Variants in THAP4 observed in about 807,000 individuals in gnomAD.
THAP4 encodes the protein peroxynitrite isomerase THAP4.
THAP4 carries 18 observed loss-of-function variants against 48.1 expected under a neutral mutation model. The ratio of observed to expected loss-of-function variants is 0.37; its 90% confidence interval spans 0.26 to 0.56. The LOEUF (loss-of-function observed/expected upper bound fraction) is 0.56, where lower values mean the gene tolerates loss of function less well. Among genes scored for constraint, THAP4 ranks in the 20% least tolerant of loss-of-function variants. The pLI is 0.78. For missense variants in THAP4, 656 were observed against 774.9 expected (o/e 0.85, Z 1.82); for synonymous variants, 345 against 324.9 (o/e 1.06, Z -0.66).
chr2:241,596,755 G>A lies in THAP4; in HGVS notation c.1614+5141C>T, dbSNP rs1337645693. Reference sequence around the variant, plus strand: ...CAGGAGACAGAGCTTGCAGTGAGCCGAGACTGCACCACTGCACTCCAGCCT... The same window carrying A: ...CAGGAGACAGAGCTTGCAGTGAGCCAAGACTGCACCACTGCACTCCAGCCT... On this transcript the variant is annotated intron_variant, in intron 5 of 5. Coordinates refer to ENST00000407315, the MANE Select transcript of THAP4 (RefSeq NM_015963.6). Among the ~76,000 whole-genome samples the A allele has an allele frequency of 3.3e-5, 5 of 152,028 alleles. No homozygotes were observed. In the South Asian group the frequency reaches 1.0e-3, roughly 32 times the overall value.
chr2:241,599,957 C>A (rs1421887500), intron 5 of THAP4, among the ~76,000 whole-genome samples: 1 of 152,178 alleles, frequency 6.6e-6, no homozygotes, highest in East Asian at 1.9e-4. Flanking sequence ...TGCCTGTAAT[C>A]CCAGCACTTG....
intron 5 of THAP4, among the ~76,000 whole-genome samples, chr2:241,598,010 T>C (rs1575021223): frequency 6.9e-6 from 1 of 144,792 alleles, no homozygotes; most frequent in Non-Finnish European, 1.5e-5. Context: ...CCTGATAAAA[T>C]AGATAACCTC....
chr2:241,631,604 C>T (rs1004751184), intron 2 of THAP4, among the ~76,000 whole-genome samples: 2 of 152,044 alleles, frequency 1.3e-5, no homozygotes, highest in South Asian at 4.2e-4. Context: ...TAGTTGGGAC[C>T]ACAGGCGTGC....
intron 5 of THAP4, among the ~76,000 whole-genome samples, chr2:241,593,886 A>C (rs2067017720): frequency 4.6e-5 from 7 of 152,134 alleles, no homozygotes; most frequent in African/African-American, 1.7e-4. Flanking sequence ...AGGTTTTGCT[A>C]TGTTGTCCAG....
chr2:241,600,136 C>T (rs1286047454), intron 5 of THAP4, among the ~76,000 whole-genome samples: 1 of 152,060 alleles, frequency 6.6e-6, no homozygotes, highest in Non-Finnish European at 1.5e-5. Context: ...GTGGAGGCTA[C>T]AGTGAGCTGA....
In THAP4 at chr2:241,602,197, G is replaced by A. The variant is rs112929709; in HGVS notation, c.1511-198C>T. 3.7e-3 allele frequency: 2,269 copies of A among 605,798 alleles called. 39 individuals carry two copies. In the African/African-American group the frequency reaches 0.038, roughly 10 times the overall value. 37.5% of individuals were successfully genotyped at this position (605,798 alleles called of 1,614,324 possible). On this transcript the variant is annotated intron_variant, in intron 4 of 5. Coordinates refer to ENST00000407315, the MANE Select transcript of THAP4 (RefSeq NM_015963.6). ...CACAACTCTCCTCACAGAACAGGCA[G>A]GTGCTCTATGGAAGGCCACCCTCTC...
At chr2:241,629,934 C>G (rs2067536590) in intron 2 of THAP4, among the ~76,000 whole-genome samples, 1 of 152,034 alleles carries the variant, frequency 6.6e-6, no homozygotes, top group African/African-American at 2.4e-5. Context: ...TGCCCAGCTT[C>G]AGGCGGGAAC....
Position 241,612,985 on chromosome 2 carries a change from G to C in THAP4, c.1241-6512C>G, listed in dbSNP as rs1012828483. On this transcript the variant is annotated intron_variant, in intron 2 of 5. Transcript: ENST00000407315. The surrounding 1 kb of genome is among the most constrained non-coding windows in gnomAD (Gnocchi z 4.1). Reference sequence around the variant, plus strand: ...CTTATAGTATGGGTGGTTGCCTGTTGAAATAATTTTTAGATAATATCGGGT... The same window carrying C: ...CTTATAGTATGGGTGGTTGCCTGTTCAAATAATTTTTAGATAATATCGGGT... Among the ~76,000 whole-genome samples the C allele has an allele frequency of 2.6e-5, 4 of 152,150 alleles. No individual in the cohort carries two copies. Among genetic ancestry groups the C allele is most frequent in the African/African-American group, 9.7e-5 (4 of 41,426 alleles).
chr2:241,592,874 T>C (rs1421976962), intron 5 of THAP4, among the ~76,000 whole-genome samples: 4 of 152,082 alleles, frequency 2.6e-5, no homozygotes, highest in African/African-American at 4.8e-5. Context: ...GGGACGTCTG[T>C]ACGGGGAAAA....
Position 241,633,673 on chromosome 2 carries a change from C to T in THAP4, c.484G>A (p.Ala162Thr), listed in dbSNP as rs757389718. 58 of 1,611,154 alleles carry T rather than the reference C, an allele frequency of 3.6e-5. No individual in the cohort carries two copies. Among genetic ancestry groups the T allele is most frequent in the African/African-American group, 8.0e-5 (6 of 74,896 alleles). ...EATPRAAQEA[A>T]SQEQAQQALE... ...GCTTGCTGGGCCTGCTCCTGGCTGG[C>T]GGCCTCCTGGGCCGCCCTGGGTGTG... Residue 162 changes from alanine to threonine, a missense_variant, in exon 2 of 6, where the codon GCC (alanine) becomes ACC (threonine). Ala to Thr is a moderately conservative substitution (Grantham distance 58). This residue lies in a region of THAP4 where 391 missense variants were observed against 412.4 expected (regional missense o/e 0.95). Transcript: ENST00000407315. This position sits in a 1 kb window ranked among gnomAD's most constrained non-coding sequence, Gnocchi z 7.5.
rs1034875988 is a variant in THAP4 at position 241,610,577 on chromosome 2, C to T, written c.1241-4104G>A. ...CGACCGCGCCCCTCGGCCCGGAGGC[C>T]CCGCCCTCCCCACTCCTGCTTCCCC... On this transcript the variant is annotated intron_variant, in intron 2 of 5. Transcript: ENST00000407315. The surrounding 1 kb of genome is among the most constrained non-coding windows in gnomAD (Gnocchi z 4.2). Among the ~76,000 whole-genome samples the T allele has an allele frequency of 3.2e-4, 49 of 152,128 alleles. No individual in the cohort carries two copies. The highest frequency in any genetic ancestry group is 1.1e-3 in the African/African-American group (46 of 41,438).
rs151133295 is a variant in THAP4 at position 241,599,819 on chromosome 2, A to T, written c.1614+2077T>A. Reference sequence around the variant, plus strand: ...AGAATGAGTAAGAAAATTTGGAGAAAAAATGTGGGAAACGTTCCCTTAGAC... The same window carrying T: ...AGAATGAGTAAGAAAATTTGGAGAATAAATGTGGGAAACGTTCCCTTAGAC... On this transcript the variant is annotated intron_variant, in intron 5 of 5. Transcript: ENST00000407315. 1.4e-4 allele frequency among the ~76,000 whole-genome samples: 22 copies of T among 152,312 alleles called. No individual in the cohort carries two copies. In the East Asian group the frequency reaches 4.0e-3, roughly 28 times the overall value.
chr2:241,615,970 G>T (rs138538251), intron 2 of THAP4, among the ~76,000 whole-genome samples: 18 of 152,308 alleles, frequency 1.2e-4, no homozygotes, highest in African/African-American at 4.3e-4. Flanking sequence ...AAGCAAGGAG[G>T]GCGCCCATGG....
At chr2:241,595,653 G>A (rs1203659027) in intron 5 of THAP4, among the ~76,000 whole-genome samples, 1 of 151,200 alleles carries the variant, frequency 6.6e-6, no homozygotes, top group African/African-American at 2.4e-5. Context: ...AAAAAAAGAA[G>A]AAGAAATACA....
chr2:241,631,626 C>T (rs1299033131), intron 2 of THAP4, among the ~76,000 whole-genome samples: 2 of 152,036 alleles, frequency 1.3e-5, no homozygotes, highest in Non-Finnish European at 2.9e-5. Context: ...CCATGGTACT[C>T]GGCTAATTTT....
At position 241,606,424 on chromosome 2, in the gene THAP4, G is replaced by A. The variant is rs1416377434; in HGVS notation, c.1290C>T (p.Gly430=). 1.9e-6 allele frequency: 3 copies of A among 1,608,420 alleles called. No individual in the cohort carries two copies. The highest frequency in any genetic ancestry group is 2.5e-6 in the Non-Finnish European group (3 of 1,177,438). The change falls in exon 3 of 6, where the codon GGC becomes GGT. Residue 430 remains glycine (G), a synonymous_variant. Coordinates refer to ENST00000407315, the MANE Select transcript of THAP4 (RefSeq NM_015963.6). The stretch of plus-strand genomic sequence containing the variant: ...CTCCAGGTGGGTCCGACAGCCAGGT[G>A]CCCAGCATCCAGGACAGTGGCTCCA... ...PVVEPLSWML[G]TWLSDPPGAG...
At position 241,606,413 on chromosome 2, in the gene THAP4, G is replaced by A. The variant is rs780031977; in HGVS notation, c.1301C>T (p.Ser434Leu). The A allele has an allele frequency of 4.4e-6, 7 of 1,606,730 alleles. No individual in the cohort carries two copies. The highest frequency in any genetic ancestry group is 2.2e-5 in the East Asian group (1 of 44,556). Residue 434 changes from serine (S) to leucine (L), a missense_variant, in exon 3 of 6, where the codon TCG becomes TTG. Coordinates refer to ENST00000407315, the MANE Select transcript of THAP4 (RefSeq NM_015963.6). ...PLSWMLGTWLSDPPGAGTYPT... is the reference protein window; with the variant it reads ...PLSWMLGTWLLDPPGAGTYPT... ...GTAGGTCCCGGCTCCAGGTGGGTCC[G>A]ACAGCCAGGTGCCCAGCATCCAGGA... is the stretch of plus-strand genomic sequence containing the variant.
intron 5 of THAP4, among the ~76,000 whole-genome samples, chr2:241,585,912 C>CAAAAAAAAAAAAAAAAAAAAAAAAA (rs1175852721): frequency 5.3e-4 from 15 of 28,254 alleles, no homozygotes; most frequent in East Asian, 1.3e-3. Flanking sequence ...GACTCCTTCT[C>CAAAAAAAAAAAAAAAAAAAAAAAAA]AAAAAAAAAA....
intron 5 of THAP4, 79 bp from the exon 6 acceptor site, chr2:241,584,804 CCA>C (rs920088101): frequency 5.9e-5 from 91 of 1,551,158 alleles, no homozygotes; most frequent in Non-Finnish European, 7.2e-5. Context: ...CCACTGCATG[CCA>C]CACACTCATC....
Sources: allele counts gnomAD v4.1 joint callset (sites outside exome capture counted in the v4.1 genomes callset), GRCh38; gene constraint gnomAD v4.1.1; regional missense constraint gnomAD v4.1.1; non-coding constraint Gnocchi (gnomAD v3.1); transcripts MANE v1.5; gene names NCBI Gene and HGNC (gene_info 2026-07-23, HGNC 2026-07-21).